The following FAM13C variants were observed in gnomAD, a reference collection of about 807,000 sequenced individuals.
FAM13C encodes the protein family with sequence similarity 13 member C, also known as protein FAM13C.
In FAM13C, 37 loss-of-function variants were observed where a neutral mutation model predicts 73.2. The observed-to-expected ratio is 0.51, with a 90% CI of 0.39 to 0.67. FAM13C has a LOEUF of 0.67. FAM13C is among the 30% of genes least tolerant of loss of function. The pLI is 0.00. For missense variants in FAM13C, 589 were observed against 715.6 expected, an observed-to-expected ratio of 0.82 and a Z score of 2.02; for synonymous variants, 246 against 260.9, an observed-to-expected ratio of 0.94 and a Z score of 0.55.
At chr10:59,253,146 A>C in intron 11 of FAM13C, 148 bp from the exon 12 acceptor site, 2 of 719,778 alleles carry the variant, frequency 2.8e-6, no homozygotes, top group Admixed American at 5.5e-5. Flanking sequence ...GGAAGAAACC[A>C]AGAGGAGCTC....
chr10:59,276,353 G>A (rs2133617066), intron 6 of FAM13C, among the ~76,000 whole-genome samples: 1 of 152,256 alleles, frequency 6.6e-6, no homozygotes, highest in South Asian at 2.1e-4. Flanking sequence ...AAGGAGATAT[G>A]AGTTCTGAGT....
chr10:59,324,129 T>C, intron 3 of FAM13C, 23 bp from the exon 4 acceptor site: 1 of 1,583,272 alleles, frequency 6.3e-7, no homozygotes, highest in Non-Finnish European at 8.7e-7. Flanking sequence ...AGAGCAAAAG[T>C]AGATGAGCTG....
At chr10:59,288,483 A>G (rs1046036731) in intron 5 of FAM13C, among the ~76,000 whole-genome samples, 3 of 151,772 alleles carry the variant, frequency 2.0e-5, no homozygotes, top group Admixed American at 2.0e-4. Flanking sequence ...ACAGGGGGAA[A>G]AAGAAGAAGA....
At chr10:59,343,943 C>G (rs1853866073) in intron 3 of FAM13C, among the ~76,000 whole-genome samples, 1 of 151,126 alleles carries the variant, frequency 6.6e-6, no homozygotes, top group East Asian at 1.9e-4. Context: ...ACTCTATAAA[C>G]TATTTCTTTT....
chr10:59,313,981 T>C (rs765770023), intron 4 of FAM13C, among the ~76,000 whole-genome samples: 10 of 152,004 alleles, frequency 6.6e-5, no homozygotes, highest in Non-Finnish European at 1.3e-4. Flanking sequence ...TTACAGAAAA[T>C]AGGCATATAT....
At chr10:59,346,061 G>T (rs1854251242) in intron 3 of FAM13C, among the ~76,000 whole-genome samples, 1 of 152,146 alleles carries the variant, frequency 6.6e-6, no homozygotes, top group Admixed American at 6.5e-5. Flanking sequence ...TAGCTTTCCA[G>T]TGCTTTCAAA....
chr10:59,355,989 A>G (rs375925248), intron 1 of FAM13C, 46 bp from the exon 2 acceptor site: 131 of 1,546,040 alleles, frequency 8.5e-5, no homozygotes, highest in Non-Finnish European at 1.0e-4. Flanking sequence ...ATTGTCTGCT[A>G]TAGCAGTAGT....
At chr10:59,284,322 G>A (rs184659181) in intron 5 of FAM13C, among the ~76,000 whole-genome samples, 6 of 152,162 alleles carry the variant, frequency 3.9e-5, no homozygotes, top group African/African-American at 9.6e-5. Flanking sequence ...GTGAAAGTGA[G>A]TCAGCCTGAG....
intron 3 of FAM13C, among the ~76,000 whole-genome samples, chr10:59,346,135 C>T (rs889188792): frequency 8.5e-5 from 13 of 152,098 alleles, no homozygotes; most frequent in Non-Finnish European, 1.9e-4. Context: ...ATCAGTAATA[C>T]ATCAAGAAAA....
rs748399450 is a variant in FAM13C at position 59,251,637 on chromosome 10, G to A, written c.1572C>T (p.Asp524=). 3.1e-6 allele frequency: 5 copies of A among 1,612,788 alleles called. No individual in the cohort carries two copies. Among genetic ancestry groups the A allele is most frequent in the Non-Finnish European group, 4.2e-6 (5 of 1,179,532 alleles). ...LLDHLRETRA[D]KKRLRKALRE... ...TTAAGGCTTTCCGCAGTCTCTTCTT[G>A]TCAGCCCTAGTTTCTCGGAGATGGT... Residue 524 remains aspartate (D), a synonymous_variant, in exon 13 of 14, where the codon GAC becomes GAT. Coordinates refer to ENST00000618804, the MANE Select transcript of FAM13C (RefSeq NM_198215.4).
intron 3 of FAM13C, among the ~76,000 whole-genome samples, chr10:59,340,832 C>A (rs1853398169): frequency 6.7e-6 from 1 of 149,634 alleles, no homozygotes; most frequent in South Asian, 2.3e-4. Flanking sequence ...TTGGCAAAAA[C>A]CACAATTACT....
rs552491011 is a variant in FAM13C at position 59,343,069 on chromosome 10, C to G, written c.324+9201G>C. ...TTTAAAATGTCTCTAAATCATGGCA[C>G]CACAGGTTCAGCTGGCATAACCCAA... On this transcript the variant is annotated intron_variant, in intron 3 of 13. Transcript: ENST00000618804. Among the ~76,000 whole-genome samples, 10 of 152,310 alleles carry G rather than the reference C, an allele frequency of 6.6e-5. No individual in the cohort carries two copies. The South Asian group carries it at 2.1e-3, about 32-fold the overall frequency.
At chr10:59,254,507 A>G (rs1251999067) in intron 10 of FAM13C, 64 bp from the exon 11 acceptor site, 3 of 945,122 alleles carry the variant, frequency 3.2e-6, no homozygotes, top group Non-Finnish European at 4.5e-6. Context: ...CAACATTTTT[A>G]GCAGACAAAA....
At chr10:59,303,254 G>A (rs76292765) in intron 4 of FAM13C, among the ~76,000 whole-genome samples, 17,022 of 152,142 alleles carry the variant, frequency 0.11, 1,035 homozygotes, top group South Asian at 0.18. Context: ...TCAGCTCACA[G>A]GGCACCTCCC....
At chr10:59,337,184 A>G (rs1407896558) in intron 3 of FAM13C, among the ~76,000 whole-genome samples, 1 of 152,188 alleles carries the variant, frequency 6.6e-6, no homozygotes, top group Non-Finnish European at 1.5e-5. Context: ...CAATATCTGA[A>G]CAAAAAACTG....
chr10:59,248,116 G>T (rs1388653809), intron 13 of FAM13C, among the ~76,000 whole-genome samples: 1 of 152,044 alleles, frequency 6.6e-6, no homozygotes, highest in East Asian at 1.9e-4. Flanking sequence ...AAAATGATCA[G>T]CCCTAATACA....
Position 59,252,946 on chromosome 10 carries a change from G to T in FAM13C, c.1385C>A (p.Ser462Tyr). Residue 462 changes from serine to tyrosine, a missense_variant, in exon 12 of 14, where the codon TCT (serine) becomes TAT (tyrosine). Coordinates refer to ENST00000618804, the MANE Select transcript of FAM13C (RefSeq NM_198215.4). Reference sequence around the variant, plus strand: ...AAGGTGAGATGCTGGATCTGCCAAAGAAGGTTGTTGGCTTCCCTGTGGACG... The same window carrying T: ...AAGGTGAGATGCTGGATCTGCCAAATAAGGTTGTTGGCTTCCCTGTGGACG... The part of the protein sequence containing the change: ...EDRPQGSQQP[S>Y]LADPASHLPV... 1 of 1,614,134 alleles carries T rather than the reference G, an allele frequency of 6.2e-7. No homozygotes were observed. Among genetic ancestry groups the T allele is most frequent in the Non-Finnish European group, 8.5e-7 (1 of 1,180,010 alleles).
At chr10:59,351,457 G>A (rs556691172) in intron 3 of FAM13C, among the ~76,000 whole-genome samples, 1 of 152,040 alleles carries the variant, frequency 6.6e-6, no homozygotes, top group East Asian at 1.9e-4. Context: ...TTGGAAAGAT[G>A]TTTCCTTTAT....
At chr10:59,304,080 G>A (rs978605333) in intron 4 of FAM13C, among the ~76,000 whole-genome samples, 11 of 152,190 alleles carry the variant, frequency 7.2e-5, no homozygotes, top group South Asian at 6.2e-4. Flanking sequence ...CCTGGGAGGC[G>A]GAGGTTGCAA....
Sources: gnomAD v4.1 joint callset for allele counts (sites outside exome capture counted in the v4.1 genomes callset) on GRCh38, gnomAD v4.1.1 for gene constraint, MANE v1.5 for transcripts, NCBI Gene and HGNC (gene_info 2026-07-23, HGNC 2026-07-21) for gene names.